MYH10: variants seen among roughly 807,000 people sequenced by gnomAD.
MYH10 encodes myosin-10.
A neutral mutation model predicts 257.8 loss-of-function variants in MYH10; 55 were observed. The observed-to-expected ratio is 0.21, with a 90% CI of 0.17 to 0.27. The LOEUF (loss-of-function observed/expected upper bound fraction) is 0.27. Ranked by LOEUF, MYH10 falls within the 10% of genes least tolerant of loss-of-function variation. MYH10 has a pLI of 1.00. For synonymous variants in MYH10, 854 were observed against 921.7 expected (o/e 0.93, Z 1.33); for missense variants, 1,631 against 2,500.6 (o/e 0.65, Z 7.42).
intron 4 of MYH10, among the ~76,000 whole-genome samples, chr17:8,582,745 T>C (rs2083755988): frequency 1.3e-5 from 2 of 152,364 alleles, no homozygotes; most frequent in Middle Eastern, 3.4e-3. Context: ...GTGATGCAGA[T>C]CATTAATACG....
At chr17:8,568,040 C>T (rs1001998787) in intron 7 of MYH10, among the ~76,000 whole-genome samples, 1 of 152,172 alleles carries the variant, frequency 6.6e-6, no homozygotes, top group Non-Finnish European at 1.5e-5. Context: ...CCTGCCTTAA[C>T]ATAAAAACAG....
intron 4 of MYH10, among the ~76,000 whole-genome samples, chr17:8,586,114 C>T (rs2083907766): frequency 6.6e-6 from 1 of 152,194 alleles, no homozygotes; most frequent in Admixed American, 6.6e-5. Flanking sequence ...TGCCCTTTAG[C>T]ACCGAACAGA....
In MYH10 at chr17:8,542,226, G is replaced by A. The variant is rs2082309890; in HGVS notation, c.1486C>T (p.Leu496=). 1 of 1,614,186 alleles carries A rather than the reference G, an allele frequency of 6.2e-7. No individual in the cohort carries two copies. The highest frequency in any genetic ancestry group is 8.5e-7 in the Non-Finnish European group (1 of 1,180,016). Residue 496 remains leucine, a synonymous_variant, in exon 14 of 43, where the codon CTG becomes TTG. Transcript: ENST00000360416. ...INYTNEKLQQ[L]FNHTMFILEQ... ...AGGATAAACATGGTGTGGTTGAACA[G>A]CTGCTGCAGCTTCTCATTGGTGTAG...
At chr17:8,544,969 C>G (rs1051849915) in intron 13 of MYH10, among the ~76,000 whole-genome samples, 6 of 152,340 alleles carry the variant, frequency 3.9e-5, no homozygotes, top group African/African-American at 1.4e-4. Context: ...TGCCCGTGTT[C>G]TACTACAGTG....
chr17:8,495,864 C>T (rs1387289659), intron 30 of MYH10, among the ~76,000 whole-genome samples: 11 of 151,982 alleles, frequency 7.2e-5, no homozygotes, highest in Admixed American at 5.9e-4. Flanking sequence ...CGCTTGCTAC[C>T]GCGCCCGTCT....
At chr17:8,560,655 T>C in intron 7 of MYH10, 1 of 829,236 alleles carries the variant, frequency 1.2e-6, no homozygotes, top group South Asian at 1.3e-5. Flanking sequence ...CAGGGTTTAT[T>C]TTATCTGCCA....
intron 3 of MYH10, among the ~76,000 whole-genome samples, chr17:8,600,296 T>C (rs2084542216): frequency 6.6e-6 from 1 of 151,752 alleles, no homozygotes; most frequent in Non-Finnish European, 1.5e-5. Context: ...AGGCAGAAAG[T>C]GAAGGGTGTT....
At chr17:8,622,404 C>T (rs2085501290) in intron 2 of MYH10, among the ~76,000 whole-genome samples, 1 of 152,276 alleles carries the variant, frequency 6.6e-6, no homozygotes, top group Admixed American at 6.5e-5. Context: ...TCAATCTTAC[C>T]CTAATTGTTT....
chr17:8,565,101 T>C (rs1236873739), intron 7 of MYH10, among the ~76,000 whole-genome samples: 1 of 152,198 alleles, frequency 6.6e-6, no homozygotes, highest in East Asian at 1.9e-4. Flanking sequence ...ATACCATCTA[T>C]TGATGTAAGA....
At position 8,477,749 on chromosome 17, in the gene MYH10, T is replaced by C. The variant is rs556946761; in HGVS notation, c.5706+589A>G. On this transcript the variant is annotated intron_variant, in intron 41 of 42. Coordinates refer to ENST00000360416, the MANE Select transcript of MYH10 (RefSeq NM_001256012.3). The surrounding 1 kb of genome is among the most constrained non-coding windows in gnomAD (Gnocchi z 4.2). ...CAGATCCATCCACCTTTCTGGCCAG[T>C]GTCTGCAGTGTGAAGTCTCACCAGG... Among the ~76,000 whole-genome samples the C allele has an allele frequency of 6.6e-6, 1 of 152,058 alleles. No homozygotes were observed. Among genetic ancestry groups the C allele is most frequent in the African/African-American group, 2.4e-5 (1 of 41,436 alleles).
chr17:8,518,104 C>CGT (rs58352961), intron 21 of MYH10, among the ~76,000 whole-genome samples: 9,727 of 116,524 alleles, frequency 0.083, 519 homozygotes, highest in African/African-American at 0.11. Flanking sequence ...CCCTTGGCCC[C>CGT]GTGTGTGTGT....
At chr17:8,480,956 C>CATTAATTA (rs1355415548) in intron 38 of MYH10, among the ~76,000 whole-genome samples, 1 of 1,980 alleles carries the variant, frequency 5.1e-4, no homozygotes, top group Non-Finnish European at 1.6e-3. Flanking sequence ...ACGTTCAGTT[C>CATTAATTA]AGTAATGACT....
At position 8,484,151 on chromosome 17, in the gene MYH10, A is replaced by C. The variant is rs1410645135; in HGVS notation, c.5162T>G (p.Leu1721Arg). 1 of 1,595,606 alleles carries C rather than the reference A, an allele frequency of 6.3e-7. No homozygotes were observed. The highest frequency in any genetic ancestry group is 2.3e-5 in the East Asian group (1 of 44,334). The change falls in exon 37 of 43, where the codon CTT (leucine) becomes CGT (arginine). Residue 1721 changes from leucine to arginine, a missense_variant. By Grantham distance (102) the Leu-to-Arg change is moderately radical. Around this residue, in one of 11 missense-constraint regions of MYH10, gnomAD observed 6 missense variants for 20.5 expected, o/e 0.29. Transcript: ENST00000360416. ...KKLKSLEAEI[L>R]QLQEELASSE... ...TAACAAACCAACCTCCTGCAATTGA[A>C]GGATTTCTGCTTCCAGACTCTTCAA...
chr17:8,628,501 C>T (rs1475239629), intron 1 of MYH10, among the ~76,000 whole-genome samples: 1 of 152,146 alleles, frequency 6.6e-6, no homozygotes, highest in South Asian at 2.1e-4. Context: ...ATAAATTATC[C>T]ATGACAGAGC....
At chr17:8,554,559 A>T (rs900275791) in intron 7 of MYH10, among the ~76,000 whole-genome samples, 1 of 152,234 alleles carries the variant, frequency 6.6e-6, no homozygotes, top group Non-Finnish European at 1.5e-5. Flanking sequence ...TCTTTACTAT[A>T]CATAACTGTT....
chr17:8,561,042 G>A, intron 7 of MYH10: 1 of 570,524 alleles, frequency 1.8e-6, no homozygotes, highest in South Asian at 2.1e-5. Context: ...CATCCCACTT[G>A]CTCACAATAT....
chr17:8,621,805 T>C (rs1443484402), intron 2 of MYH10, among the ~76,000 whole-genome samples: 1 of 152,188 alleles, frequency 6.6e-6, no homozygotes, highest in African/African-American at 2.4e-5. Flanking sequence ...CCAGTCAGAC[T>C]CCAGCTCAAA....
At chr17:8,524,899 T>A (rs1269594703) in intron 17 of MYH10, among the ~76,000 whole-genome samples, 1 of 152,136 alleles carries the variant, frequency 6.6e-6, no homozygotes. Flanking sequence ...CACACCACAC[T>A]CATGAGCTGG....
intron 31 of MYH10, among the ~76,000 whole-genome samples, chr17:8,494,255 C>T (rs760752497): frequency 6.6e-5 from 10 of 152,138 alleles, no homozygotes; most frequent in Non-Finnish European, 1.0e-4. Context: ...GGCCCTCAGC[C>T]CTTCGAACTA....
Sources: gnomAD v4.1 joint callset for allele counts (sites outside exome capture counted in the v4.1 genomes callset) on GRCh38, gnomAD v4.1.1 for gene constraint, gnomAD v4.1.1 regional missense constraint, Gnocchi (gnomAD v3.1) non-coding constraint, MANE v1.5 for transcripts, NCBI Gene and HGNC (gene_info 2026-07-23, HGNC 2026-07-21) for gene names.